Variants in GDF11 observed in about 807,000 individuals in gnomAD.
The protein encoded by GDF11 is growth/differentiation factor 11.
Under a neutral mutation model 34.4 loss-of-function variants are expected in GDF11, and 12 were observed. The observed-to-expected ratio is 0.35, with a 90% CI of 0.22 to 0.57. The LOEUF is 0.57. Ranked by LOEUF, GDF11 falls within the 20% of genes least tolerant of loss-of-function variation. The pLI, the probability that GDF11 is intolerant of heterozygous loss-of-function variation, is 0.86. For missense variants in GDF11, 346 were observed against 548.2 expected, an observed-to-expected ratio of 0.63 and a Z score of 3.68; for synonymous variants, 212 against 231.1, an observed-to-expected ratio of 0.92 and a Z score of 0.75.
In GDF11 at chr12:55,750,757, G is replaced by A. The variant is rs1878293977; in HGVS notation, c.*875G>A. The A allele has an allele frequency of 6.6e-6, 1 of 152,182 alleles. No individual in the cohort carries two copies. The highest frequency in any genetic ancestry group is 2.4e-5 in the African/African-American group (1 of 41,440). The allele number at this position is 152,182 out of a possible 1,614,324, so 9.4% of individuals were successfully genotyped here. ...AGTAAGAGGTTAGGGTTTAAGAGCT[G>A]GGGATGCGGGGGTGGGAGAGAGAAC... On this transcript the variant is annotated 3_prime_UTR_variant, in exon 3 of 3. Transcript: ENST00000257868.
rs1317185115 is a variant in GDF11 at position 55,743,409 on chromosome 12, GGCGGCGGCGGCGGCGGCGGCGGCA to G, written c.101_124del (p.Ala34_Ala41del). 4 of 999,762 alleles carry G rather than the reference GGCGGCGGCGGCGGCGGCGGCGGCA, an allele frequency of 4.0e-6. No homozygotes were observed. Among genetic ancestry groups the G allele is most frequent in the Non-Finnish European group, 4.8e-6 (4 of 840,608 alleles). The allele number at this position is 999,762 out of a possible 1,614,324, so 61.9% of individuals were successfully genotyped here. A position where few individuals can be genotyped will look rare whatever the true frequency, so the allele number is the denominator to read the frequency against. ...AGGCGGCCGAGGGCCCCGCGGCGGC[GGCGGCGGCGGCGGCGGCGGCGGCA>G]GCGGCGGGGGTCGGGGGGGAGCGCT... On this transcript the variant is annotated inframe_deletion, in exon 1 of 3. Transcript: ENST00000257868.
chr12:55,750,080 G>A lies in GDF11; in HGVS notation c.*198G>A. 1 of 583,812 alleles carries A rather than the reference G, an allele frequency of 1.7e-6. No homozygotes were observed. The highest frequency in any genetic ancestry group is 3.0e-6 in the Non-Finnish European group (1 of 329,312). 36.2% of individuals were successfully genotyped at this position (583,812 alleles called of 1,614,324 possible). A position where few individuals can be genotyped will look rare whatever the true frequency, so the allele number is the denominator to read the frequency against. ...GGTTTGGGGGAAAGGGGAAGCAGGGGCATAGTCAGGGTGGGGAGTGTTTGA... is the reference window on the plus strand; with the variant it reads ...GGTTTGGGGGAAAGGGGAAGCAGGGACATAGTCAGGGTGGGGAGTGTTTGA... On this transcript the variant is annotated 3_prime_UTR_variant, in exon 3 of 3. Transcript: ENST00000257868.
In GDF11 at chr12:55,755,821, A is replaced by C. The variant is rs1384048626; in HGVS notation, c.*5939A>C. 3.3e-5 allele frequency: 5 copies of C among 152,200 alleles called. No homozygotes were observed. Among genetic ancestry groups the C allele is most frequent in the Admixed American group, 6.5e-5 (1 of 15,274 alleles). The allele number at this position is 152,200 out of a possible 1,614,324, so 9.4% of individuals were successfully genotyped here. On this transcript the variant is annotated 3_prime_UTR_variant, in exon 3 of 3. Transcript: ENST00000257868. ...AAAAAAAAATCCTCACAAATTGGAA[A>C]ACACTGTTCAAAGATCTAGGGGAAG...
rs1878431327 is a variant in GDF11 at position 55,754,200 on chromosome 12, T to C, written c.*4318T>C. On this transcript the variant is annotated 3_prime_UTR_variant, in exon 3 of 3. Coordinates refer to ENST00000257868, the MANE Select transcript of GDF11 (RefSeq NM_005811.5). ...ACCATATCCACATCTACCCCTAACTTTGGCCTGAGCTGAAAATGGGTTTTC... is the reference window on the plus strand; with the variant it reads ...ACCATATCCACATCTACCCCTAACTCTGGCCTGAGCTGAAAATGGGTTTTC... The C allele has an allele frequency of 6.6e-6, 1 of 152,214 alleles. No individual in the cohort carries two copies. Among genetic ancestry groups the C allele is most frequent in the Non-Finnish European group, 1.5e-5 (1 of 68,040 alleles). The allele number at this position is 152,214 out of a possible 1,614,324, so 9.4% of individuals were successfully genotyped here.
At position 55,748,576 on chromosome 12, in the gene GDF11, C is replaced by G; in HGVS notation, c.446-10C>G. ...CCCTTTGCTGATGCTGTGCCCTTCT[C>G]TCTTATCAGCGGACCCAGCAGTACA... On this transcript the variant is annotated splice_polypyrimidine_tract_variant and intron_variant, in intron 1 of 2. Coordinates refer to ENST00000257868, the MANE Select transcript of GDF11 (RefSeq NM_005811.5). The surrounding 1 kb of genome is among the most constrained non-coding windows in gnomAD (Gnocchi z 5.6). The G allele has an allele frequency of 6.3e-7, 1 of 1,596,026 alleles. No individual in the cohort carries two copies.
rs1014881900 is a variant in GDF11, at chr12:55,750,514, G to C, written c.*632G>C. 1.8e-4 allele frequency: 28 copies of C among 152,142 alleles called. No homozygotes were observed. Among genetic ancestry groups the C allele is most frequent in the Admixed American group, 1.3e-3 (20 of 15,272 alleles). 9.4% of individuals were successfully genotyped at this position (152,142 alleles called of 1,614,324 possible). A position where few individuals can be genotyped will look rare whatever the true frequency, so the allele number is the denominator to read the frequency against. On this transcript the variant is annotated 3_prime_UTR_variant, in exon 3 of 3. Coordinates refer to ENST00000257868, the MANE Select transcript of GDF11 (RefSeq NM_005811.5). ...GGTATTTGGCTTTACTGGAATAGGA[G>C]GGCCCCTGCCCACTGTGCCCCGTTT...
Position 55,754,084 on chromosome 12 carries a change from A to T in GDF11, c.*4202A>T, listed in dbSNP as rs1878426264. 1 of 152,246 alleles carries T rather than the reference A, an allele frequency of 6.6e-6. No homozygotes were observed. The highest frequency in any genetic ancestry group is 1.5e-5 in the Non-Finnish European group (1 of 68,058). 9.4% of individuals were successfully genotyped at this position (152,246 alleles called of 1,614,324 possible). ...TTTTCCCTGTCTTATCAGTTCTATC[A>T]GCACACTGACCCCACTCGAGACCAA... On this transcript the variant is annotated 3_prime_UTR_variant, in exon 3 of 3. Coordinates refer to ENST00000257868, the MANE Select transcript of GDF11 (RefSeq NM_005811.5).
chr12:55,749,651 C>T lies in GDF11; in HGVS notation c.993C>T (p.Ile331=), dbSNP rs201163081. 1.2e-5 allele frequency: 19 copies of T among 1,614,148 alleles called. No individual in the cohort carries two copies. The highest frequency in any genetic ancestry group is 2.2e-5 in the South Asian group (2 of 91,086). The change falls in exon 3 of 3, where the codon ATC becomes ATT. Residue 331 remains isoleucine (I), a synonymous_variant. Coordinates refer to ENST00000257868, the MANE Select transcript of GDF11 (RefSeq NM_005811.5). This position sits in a 1 kb window ranked among gnomAD's most constrained non-coding sequence, Gnocchi z 5.6. ...DFEAFGWDWI[I]APKRYKANYC... Reference sequence around the variant, plus strand: ...AGGCTTTCGGCTGGGACTGGATCATCGCACCTAAGCGCTACAAGGCCAACT... The same window carrying T: ...AGGCTTTCGGCTGGGACTGGATCATTGCACCTAAGCGCTACAAGGCCAACT...
At position 55,755,031 on chromosome 12, in the gene GDF11, T is replaced by C. The variant is rs1344738525; in HGVS notation, c.*5149T>C. The C allele has an allele frequency of 1.3e-5, 2 of 152,068 alleles. No homozygotes were observed. Among genetic ancestry groups the C allele is most frequent in the Non-Finnish European group, 2.9e-5 (2 of 68,016 alleles). 9.4% of individuals were successfully genotyped at this position (152,068 alleles called of 1,614,324 possible). Reference sequence around the variant, plus strand: ...AAGATGTGAAACCTGTAATTTTAAATCCCTTTGGAAGGGAAAAACAAGAAA... The same window carrying C: ...AAGATGTGAAACCTGTAATTTTAAACCCCTTTGGAAGGGAAAAACAAGAAA... On this transcript the variant is annotated 3_prime_UTR_variant, in exon 3 of 3. Transcript: ENST00000257868.
In GDF11 at chr12:55,748,968, G is replaced by T. The variant is rs201622875; in HGVS notation, c.828G>T (p.Pro276=). 6.3e-7 allele frequency: 1 copy of T among 1,597,748 alleles called. No individual in the cohort carries two copies. Among genetic ancestry groups the T allele is most frequent in the Non-Finnish European group, 8.5e-7 (1 of 1,178,718 alleles). ...ACCTGGCTGTCACCTCCCTGGGGCC[G>T]GGAGCCGAGGGGCTGGTGAGCAGGG... The part of the protein sequence containing the change: ...GTDLAVTSLG[P]GAEGLHPFME... The change falls in exon 2 of 3, where the codon CCG becomes CCT. Residue 276 remains proline, a synonymous_variant. Coordinates refer to ENST00000257868, the MANE Select transcript of GDF11 (RefSeq NM_005811.5). This position sits in a 1 kb window ranked among gnomAD's most constrained non-coding sequence, Gnocchi z 5.6.
rs1368905000 is a variant in GDF11 at position 55,749,309 on chromosome 12, G to C, written c.844-193G>C. ...GGTTGCCAGAAGAGTAAGAATTAGA[G>C]ATGGTGAGTTGAAGGAGAGCTAGCT... On this transcript the variant is annotated intron_variant, in intron 2 of 2. Transcript: ENST00000257868. This position sits in a 1 kb window ranked among gnomAD's most constrained non-coding sequence, Gnocchi z 5.6. 2.0e-5 allele frequency among the ~76,000 whole-genome samples: 3 copies of C among 152,186 alleles called. No individual in the cohort carries two copies. Among genetic ancestry groups the C allele is most frequent in the Non-Finnish European group, 4.4e-5 (3 of 68,040 alleles).
In GDF11 at chr12:55,748,433, G is replaced by A. The variant is rs138729368; in HGVS notation, c.446-153G>A. ...TCCTAAAGAGGAAGTGCTGTTTTAG[G>A]TACCGGAGACATGGTATAAGATAGG... is the stretch of plus-strand genomic sequence containing the variant. On this transcript the variant is annotated intron_variant, in intron 1 of 2. Transcript: ENST00000257868. This position sits in a 1 kb window ranked among gnomAD's most constrained non-coding sequence, Gnocchi z 5.6. Among the ~76,000 whole-genome samples, 1 of 152,338 alleles carries A rather than the reference G, an allele frequency of 6.6e-6. No homozygotes were observed. The highest frequency in any genetic ancestry group is 1.9e-4 in the East Asian group (1 of 5,190).
intron 1 of GDF11, among the ~76,000 whole-genome samples, chr12:55,745,713 T>TCCGTTC (rs1051756429): frequency 1.3e-5 from 2 of 151,616 alleles, no homozygotes; most frequent in African/African-American, 4.9e-5. Context: ...AGAGATGGCC[T>TCCGTTC]CCGTTCCCCT....
Position 55,748,794 on chromosome 12 carries a change from C to T in GDF11, c.654C>T (p.His218=). The T allele has an allele frequency of 6.2e-7, 1 of 1,614,198 alleles. No individual in the cohort carries two copies. ...TAGGGGGGRR[H]IRIRSLKIEL... ...GGGGAGGGGGCGGAGGCCGGCGTCA[C>T]ATCCGTATCCGCTCACTGAAGATTG... is the stretch of plus-strand genomic sequence containing the variant. Residue 218 remains histidine, a synonymous_variant, in exon 2 of 3, where the codon CAC becomes CAT. Transcript: ENST00000257868. The surrounding 1 kb of genome is among the most constrained non-coding windows in gnomAD (Gnocchi z 5.6).
chr12:55,754,454 G>A lies in GDF11; in HGVS notation c.*4572G>A, dbSNP rs1364287744. ...CTGGTCTGTAGTGGCGTAGAAGCAG[G>A]AAAATCAATGCTCCAAAGCAACAAT... is the stretch of plus-strand genomic sequence containing the variant. On this transcript the variant is annotated 3_prime_UTR_variant, in exon 3 of 3. Transcript: ENST00000257868. 1 of 152,164 alleles carries A rather than the reference G, an allele frequency of 6.6e-6. No individual in the cohort carries two copies. The highest frequency in any genetic ancestry group is 2.4e-5 in the African/African-American group (1 of 41,432). The allele number at this position is 152,164 out of a possible 1,614,324, so 9.4% of individuals were successfully genotyped here.
In GDF11 at chr12:55,752,080, A is replaced by G. The variant is rs972023568; in HGVS notation, c.*2198A>G. 6.6e-6 allele frequency: 1 copy of G among 152,204 alleles called. No homozygotes were observed. The highest frequency in any genetic ancestry group is 2.4e-5 in the African/African-American group (1 of 41,432). 9.4% of individuals were successfully genotyped at this position (152,204 alleles called of 1,614,324 possible). ...CCATATAGCAGCTATGCTAACCCCA[A>G]GCCTCTCTGGCCCTGTTCTTCATCC... is the stretch of plus-strand genomic sequence containing the variant. On this transcript the variant is annotated 3_prime_UTR_variant, in exon 3 of 3. Transcript: ENST00000257868.
chr12:55,746,738 CTAGT>C (rs1221346019), intron 1 of GDF11, among the ~76,000 whole-genome samples: 2 of 152,210 alleles, frequency 1.3e-5, no homozygotes, highest in Non-Finnish European at 2.9e-5. Context: ...TTCACATTCT[CTAGT>C]TAATGCTCAG....
At chr12:55,745,967 G>T (rs1302945431) in intron 1 of GDF11, among the ~76,000 whole-genome samples, 2 of 151,802 alleles carry the variant, frequency 1.3e-5, no homozygotes, top group Non-Finnish European at 2.9e-5. Context: ...GCCATGGTTG[G>T]GAGTGTGTGT....
At position 55,749,930 on chromosome 12, in the gene GDF11, CT is replaced by C. The variant is rs1261129588; in HGVS notation, c.*49del. 1.3e-6 allele frequency: 2 copies of C among 1,514,848 alleles called. No homozygotes were observed. The highest frequency in any genetic ancestry group is 2.0e-4 in the Middle Eastern group (1 of 5,076). The allele number at this position is 1,514,848 out of a possible 1,614,324, so 93.8% of individuals were successfully genotyped here. A position where few individuals can be genotyped will look rare whatever the true frequency, so the allele number is the denominator to read the frequency against. On this transcript the variant is annotated 3_prime_UTR_variant, in exon 3 of 3. Transcript: ENST00000257868. This position sits in a 1 kb window ranked among gnomAD's most constrained non-coding sequence, Gnocchi z 5.6. ...CCCCACAGACCCTACCCCAAGACCC[CT>C]AGCCCTGCCCCCATCCCCCCAAGCC... is the stretch of plus-strand genomic sequence containing the variant.
Sources: gnomAD v4.1 joint callset for allele counts (sites outside exome capture counted in the v4.1 genomes callset) on GRCh38, gnomAD v4.1.1 for gene constraint, Gnocchi (gnomAD v3.1) non-coding constraint, MANE v1.5 for transcripts, NCBI Gene and HGNC (gene_info 2026-07-23, HGNC 2026-07-21) for gene names.